ELAVL2: variants seen among roughly 807,000 people sequenced by gnomAD.
ELAVL2 encodes the protein ELAV like RNA binding protein 2, also known as ELAV-like protein 2.
Under a neutral mutation model 34.6 loss-of-function variants are expected in ELAVL2, and 4 were observed. The ratio of observed to expected loss-of-function variants is 0.12; its 90% CI spans 0.06 to 0.26. The LOEUF (loss-of-function observed/expected upper bound fraction) is 0.26, where lower values mean the gene tolerates loss of function less well. ELAVL2 is among the 10% of genes least tolerant of loss of function. The pLI, the probability that ELAVL2 is intolerant of heterozygous loss-of-function variation, is 1.00. For synonymous variants in ELAVL2, 193 were observed against 154.8 expected (o/e 1.25, Z -1.83); for missense variants, 432 against 442.8 (o/e 0.98, Z 0.22).
chr9:23,773,004 T>C (rs1326480116), intron 1 of ELAVL2, among the ~76,000 whole-genome samples: 1 of 152,130 alleles, frequency 6.6e-6, no homozygotes, highest in Non-Finnish European at 1.5e-5. Context: ...AAAACACACC[T>C]AGGTACATCT....
chr9:23,701,278 CA>C, intron 5 of ELAVL2, 100 bp downstream of exon 5: 1 of 1,331,278 alleles, frequency 7.5e-7, no homozygotes, highest in Non-Finnish European at 1.0e-6. Context: ...ACAACACTGA[CA>C]AAAGCAAACC....
At chr9:23,739,236 G>T (rs2048577589) in intron 2 of ELAVL2, among the ~76,000 whole-genome samples, 1 of 152,156 alleles carries the variant, frequency 6.6e-6, no homozygotes, top group African/African-American at 2.4e-5. Flanking sequence ...AAGTGACTGA[G>T]ATAGTGTAGC....
intron 2 of ELAVL2, among the ~76,000 whole-genome samples, chr9:23,741,058 ACATAAAGTGCATCG>A (rs2049037233): frequency 6.6e-6 from 1 of 152,204 alleles, no homozygotes; most frequent in African/African-American, 2.4e-5. Context: ...AACATGAAAT[ACATAAAGTGCATCG>A]CAGGGGTTTC....
intron 3 of ELAVL2, among the ~76,000 whole-genome samples, chr9:23,720,373 T>C (rs1587678902): frequency 6.6e-6 from 1 of 151,676 alleles, no homozygotes; most frequent in African/African-American, 2.4e-5. Flanking sequence ...TGGGGTTTCG[T>C]CATGTTGGCG....
chr9:23,843,330 G>A, the ELAVL2 span, among the ~76,000 whole-genome samples: 3 of 152,046 alleles, frequency 2.0e-5, no homozygotes, highest in Non-Finnish European at 2.9e-5. Context: ...GAATCCCAGA[G>A]GGAATAAGCT....
chr9:23,781,478 C>G (rs1190488006), intron 1 of ELAVL2, among the ~76,000 whole-genome samples: 2 of 151,352 alleles, frequency 1.3e-5, no homozygotes, highest in South Asian at 2.1e-4. Flanking sequence ...AAACATACAG[C>G]AGAATAGCAT....
At chr9:23,765,241 A>T (rs2055966755) in intron 1 of ELAVL2, 3 of 669,372 alleles carry the variant, frequency 4.5e-6, no homozygotes, top group Non-Finnish European at 7.3e-6. Context: ...AGGCAATTCC[A>T]ATCTAATCTT....
rs2062885123 is a variant in ELAVL2 at position 23,810,881 on chromosome 9, G to C, written c.-16+14925C>G. On this transcript the variant is annotated intron_variant, in intron 1 of 6. Transcript: ENST00000397312. ...CTCCTGGTTCCATCACCTTGTGGTA[G>C]TTCACCATCTTCAATTGCCAACTCC... Among the ~76,000 whole-genome samples, 7 of 152,276 alleles carry C rather than the reference G, an allele frequency of 4.6e-5. No homozygotes were observed. In the South Asian group the frequency reaches 1.4e-3, roughly 32 times the overall value.
At chr9:23,735,916 G>T (rs906613138) in intron 2 of ELAVL2, among the ~76,000 whole-genome samples, 1 of 152,108 alleles carries the variant, frequency 6.6e-6, no homozygotes, top group Non-Finnish European at 1.5e-5. Context: ...CCGTTTAGTG[G>T]CAAAGTGCTA....
intron 5 of ELAVL2, among the ~76,000 whole-genome samples, chr9:23,696,598 A>C (rs1257362913): frequency 6.6e-6 from 1 of 152,140 alleles, no homozygotes. Context: ...CCTCTCGAGT[A>C]GCTGGGACTA....
chr9:23,782,101 G>A (rs761303812), intron 1 of ELAVL2, among the ~76,000 whole-genome samples: 8 of 152,124 alleles, frequency 5.3e-5, no homozygotes, highest in Admixed American at 1.3e-4. Context: ...AATTACAGGC[G>A]TGAGCCACCA....
At position 23,763,991 on chromosome 9, in the gene ELAVL2, G is replaced by C. The variant is rs548530191; in HGVS notation, c.-15-1742C>G. Among the ~76,000 whole-genome samples, 67 of 152,180 alleles carry C rather than the reference G, an allele frequency of 4.4e-4. No homozygotes were observed. In the South Asian group the frequency reaches 0.014, roughly 31 times the overall value. ...AAAATCTTAAATAATTCAAGATATG[G>C]GTTTTATTATAATTAGCAAATCTAT... is the stretch of plus-strand genomic sequence containing the variant. On this transcript the variant is annotated intron_variant, in intron 1 of 6. Transcript: ENST00000397312.
intron 3 of ELAVL2, among the ~76,000 whole-genome samples, chr9:23,711,308 T>C (rs2040882758): frequency 6.6e-6 from 1 of 152,172 alleles, no homozygotes; most frequent in African/African-American, 2.4e-5. Flanking sequence ...GTGACTGGAT[T>C]TGTTGAATGT....
chr9:23,830,558 T>C (rs1002348593), upstream of ELAVL2, among the ~76,000 whole-genome samples: 3 of 150,324 alleles, frequency 2.0e-5, no homozygotes, highest in Admixed American at 1.3e-4. Context: ...CGGTAAATCT[T>C]TGAGACCAGC....
At chr9:23,782,094 T>G (rs2059143933) in intron 1 of ELAVL2, among the ~76,000 whole-genome samples, 1 of 152,166 alleles carries the variant, frequency 6.6e-6, no homozygotes, top group African/African-American at 2.4e-5. Flanking sequence ...GTGCTAGAAT[T>G]ACAGGCGTGA....
intron 1 of ELAVL2, chr9:23,765,207 T>G (rs960423574): frequency 3.1e-6 from 3 of 962,060 alleles, no homozygotes; most frequent in African/African-American, 3.4e-5. Flanking sequence ...AGCACGTCCA[T>G]GCAGTGTGGC....
chr9:23,779,282 T>C, intron 1 of ELAVL2: 1 of 985,412 alleles, frequency 1.0e-6, no homozygotes, highest in South Asian at 4.7e-5. Context: ...TAGAATCCCA[T>C]GAAAACCTGC....
intron 2 of ELAVL2, among the ~76,000 whole-genome samples, chr9:23,760,559 CTT>C (rs2054738446): frequency 6.6e-6 from 1 of 151,904 alleles, no homozygotes; most frequent in Non-Finnish European, 1.5e-5. Flanking sequence ...TAAGAGCAGC[CTT>C]TTGTTCTTCA....
intron 1 of ELAVL2, among the ~76,000 whole-genome samples, chr9:23,806,493 C>G (rs995713171): frequency 7.2e-5 from 11 of 151,864 alleles, no homozygotes; most frequent in Admixed American, 2.0e-4. Context: ...AAAAATTAGC[C>G]AGTTGCAGTA....
Sources: allele counts gnomAD v4.1 joint callset (sites outside exome capture counted in the v4.1 genomes callset), GRCh38; gene constraint gnomAD v4.1.1; transcripts MANE v1.5; gene names NCBI Gene and HGNC (gene_info 2026-07-23, HGNC 2026-07-21).